Variants in SOD2 observed in about 807,000 individuals in gnomAD.
The protein encoded by SOD2 is superoxide dismutase [Mn], mitochondrial.
Under a neutral mutation model 27.0 loss-of-function variants are expected in SOD2, and 11 were observed. The ratio of observed to expected loss-of-function variants is 0.41; its 90% CI spans 0.26 to 0.67. The LOEUF (loss-of-function observed/expected upper bound fraction) is 0.67, where lower values mean the gene tolerates loss of function less well. Among genes scored for constraint, SOD2 ranks in the 30% least tolerant of loss-of-function variants. The pLI is 0.34. For synonymous variants in SOD2, 105 were observed against 103.0 expected (o/e 1.02, Z -0.12); for missense variants, 250 against 274.5 (o/e 0.91, Z 0.63).
At chr6:159,697,364 C>T (rs1351515086), upstream of SOD2, among the ~76,000 whole-genome samples, 2 of 151,590 alleles carry the variant, frequency 1.3e-5, no homozygotes, top group African/African-American at 4.9e-5. Context: ...CTGTCCTTTG[C>T]AAGAGTGGTA....
rs1777544527 is a variant in SOD2 at position 159,702,670 on chromosome 6, A to AG, written c.-115-9808_-115-9807insC. 5.4e-5 allele frequency among the ~76,000 whole-genome samples: 8 copies of AG among 148,516 alleles called. No homozygotes were observed. The South Asian group carries it at 1.7e-3, about 31-fold the overall frequency. On this transcript the variant is annotated intron_variant, in intron 1 of 2. Coordinates refer to the SOD2 transcript ENST00000401980. ...CTATCTCTCCAAAAAAAAAAAAAAA[A>AG]AAAAAAAAAGAAAGAAAGAAAGAAA...
chr6:159,738,304 CAG>C (rs1277515476), intron 1 of SOD2, among the ~76,000 whole-genome samples: 1 of 152,216 alleles, frequency 6.6e-6, no homozygotes, highest in African/African-American at 2.4e-5. Flanking sequence ...ATTGTTACTT[CAG>C]AGTGTTATAT....
Position 159,718,691 on chromosome 6 carries a change from C to A in SOD2, c.-116+8438G>T, listed in dbSNP as rs570729074. On this transcript the variant is annotated intron_variant, in intron 1 of 2. Coordinates refer to the SOD2 transcript ENST00000401980. ...ACTAGATTAGAAAAAGAAAAGTAGG[C>A]TAGGAAGTTTGGTTTGGCTTCCCTA... Among the ~76,000 whole-genome samples, 5 of 152,230 alleles carry A rather than the reference C, an allele frequency of 3.3e-5. No homozygotes were observed. The East Asian group carries it at 9.6e-4, about 29-fold the overall frequency.
At chr6:159,689,530 A>G (rs902704937) in intron 2 of SOD2, among the ~76,000 whole-genome samples, 6 of 152,248 alleles carry the variant, frequency 3.9e-5, no homozygotes, top group African/African-American at 1.4e-4. Flanking sequence ...TGTTTAATAA[A>G]TATTTTGTGC....
At chr6:159,712,076 AGACCTC>A (rs1777800788) in intron 1 of SOD2, among the ~76,000 whole-genome samples, 5 of 20,530 alleles carry the variant, frequency 2.4e-4, no homozygotes, top group East Asian at 9.3e-4. Flanking sequence ...TCGGCTGCTC[AGACCTC>A]CATAACCACC....
chr6:159,746,220 T>C (rs753861796), upstream of SOD2, among the ~76,000 whole-genome samples: 34 of 152,162 alleles, frequency 2.2e-4, no homozygotes, highest in Non-Finnish European at 4.6e-4. Flanking sequence ...AACTGTCAAG[T>C]GGGAAGTGAG....
At position 159,703,397 on chromosome 6, in the gene SOD2, C is replaced by G. The variant is rs541554410; in HGVS notation, c.-115-10534G>C. Among the ~76,000 whole-genome samples the G allele has an allele frequency of 1.4e-4, 13 of 94,192 alleles. No homozygotes were observed. In the South Asian group the frequency reaches 5.3e-3, roughly 38 times the overall value. The allele number at this position is 94,192 out of a possible 152,430, so 61.8% of individuals were successfully genotyped here. ...GCAGCTTACTACATGGAAGTTGAGG[C>G]TTTACCTCTTTTTTTTTTTTTAAAG... On this transcript the variant is annotated intron_variant, in intron 1 of 2. Transcript: ENST00000401980.
At chr6:159,753,497 C>T (rs1562467773) in intron 1 of SOD2, 1 of 1,614,178 alleles carries the variant, frequency 6.2e-7, no homozygotes, top group Non-Finnish European at 8.5e-7. Flanking sequence ...GTGTCGAATG[C>T]TTATCCAGGA....
chr6:159,728,032 C>T (rs967076816), upstream of SOD2, among the ~76,000 whole-genome samples: 1 of 152,188 alleles, frequency 6.6e-6, no homozygotes, highest in Non-Finnish European at 1.5e-5. Context: ...GCCTCGGGGT[C>T]GCCCCCTTCA....
chr6:159,738,370 T>G (rs1307772946), intron 1 of SOD2, among the ~76,000 whole-genome samples: 1 of 152,224 alleles, frequency 6.6e-6, no homozygotes, highest in East Asian at 1.9e-4. Flanking sequence ...TCCTTCCACT[T>G]AGCACAGTTT....
At chr6:159,730,426 T>C (rs1461114047), upstream of SOD2, among the ~76,000 whole-genome samples, 1 of 152,176 alleles carries the variant, frequency 6.6e-6, no homozygotes, top group Non-Finnish European at 1.5e-5. Flanking sequence ...TTTAGGTTAT[T>C]GTGTTTGTCA....
At chr6:159,685,219 CTTTTTTTTTT>C (rs750824041) in intron 3 of SOD2, among the ~76,000 whole-genome samples, 186 bp from the exon 4 acceptor site, 41 of 73,922 alleles carry the variant, frequency 5.5e-4, no homozygotes, top group Non-Finnish European at 4.9e-4. Context: ...ATAACTTCAA[CTTTTTTTTTT>C]TTTTTTTTTT....
At chr6:159,696,181 G>C (rs906192575), upstream of SOD2, among the ~76,000 whole-genome samples, 1 of 152,174 alleles carries the variant, frequency 6.6e-6, no homozygotes, top group African/African-American at 2.4e-5. Flanking sequence ...AAATTCCATT[G>C]AGTCATCAAG....
Position 159,673,782 on chromosome 6 carries a change from A to G in SOD2, c.*8711T>C, listed in dbSNP as rs1399124792. The G allele has an allele frequency of 1.3e-5, 2 of 152,118 alleles. No individual in the cohort carries two copies. Among genetic ancestry groups the G allele is most frequent in the Non-Finnish European group, 2.9e-5 (2 of 67,986 alleles). The allele number at this position is 152,118 out of a possible 1,614,324, so 9.4% of individuals were successfully genotyped here. On this transcript the variant is annotated 3_prime_UTR_variant, in exon 5 of 5. Coordinates refer to ENST00000538183, the MANE Select transcript of SOD2 (RefSeq NM_000636.4). Reference sequence around the variant, plus strand: ...CTGAAGGAGACAGAGACACAAAAAAACCTTCAAAAAATGAATGAATCCAGG... The same window carrying G: ...CTGAAGGAGACAGAGACACAAAAAAGCCTTCAAAAAATGAATGAATCCAGG...
In SOD2 at chr6:159,673,206, C is replaced by T. The variant is rs928316924; in HGVS notation, c.*9287G>A. 35 of 152,252 alleles carry T rather than the reference C, an allele frequency of 2.3e-4. No homozygotes were observed. Among genetic ancestry groups the T allele is most frequent in the African/African-American group, 7.7e-4 (32 of 41,558 alleles). The allele number at this position is 152,252 out of a possible 1,614,324, so 9.4% of individuals were successfully genotyped here. ...ACAGATCAACGAGACAGAAAGTTAA[C>T]AAGGATATCCAGGAATTGAATTCAG... On this transcript the variant is annotated 3_prime_UTR_variant, in exon 5 of 5. Coordinates refer to ENST00000538183, the MANE Select transcript of SOD2 (RefSeq NM_000636.4).
chr6:159,670,950 C>T lies in SOD2; in HGVS notation c.*11543G>A. On this transcript the variant is annotated 3_prime_UTR_variant, in exon 5 of 5. Transcript: ENST00000538183. ...GCACACCAGGAGATTATATCCTGTG[C>T]CTAGCTCGGAGGGTCCCACGCCCAT... 6.6e-6 allele frequency: 1 copy of T among 152,468 alleles called. No individual in the cohort carries two copies. The highest frequency in any genetic ancestry group is 1.5e-5 in the Non-Finnish European group (1 of 68,146). The allele number at this position is 152,468 out of a possible 1,614,324, so 9.4% of individuals were successfully genotyped here. A position where few individuals can be genotyped will look rare whatever the true frequency, so the allele number is the denominator to read the frequency against.
chr6:159,735,330 C>T (rs73601303), intron 1 of SOD2, among the ~76,000 whole-genome samples: 4 of 152,064 alleles, frequency 2.6e-5, no homozygotes, highest in South Asian at 2.1e-4. Context: ...TGGTAGAGAC[C>T]GAGTTTCACC....
At chr6:159,725,549 A>G (rs1169796998) in intron 1 of SOD2, 1 of 151,264 alleles carries the variant, frequency 6.6e-6, no homozygotes, top group African/African-American at 2.4e-5. Flanking sequence ...TTAACAGTTA[A>G]GTTCATTTGT....
intron 2 of SOD2, chr6:159,691,723 TGA>T (rs1319571140): frequency 1.1e-5 from 1 of 88,880 alleles, no homozygotes; most frequent in Non-Finnish European, 2.9e-5. Flanking sequence ...ACCGAGCTCT[TGA>T]GAAAAAAAAA....
Sources: gnomAD v4.1 joint callset for allele counts (sites outside exome capture counted in the v4.1 genomes callset) on GRCh38, gnomAD v4.1.1 for gene constraint, MANE v1.5 for transcripts, NCBI Gene and HGNC (gene_info 2026-07-23, HGNC 2026-07-21) for gene names.